GALNTL6: variants seen among roughly 807,000 people sequenced by gnomAD.
GALNTL6 encodes polypeptide N-acetylgalactosaminyltransferase like 6.
In GALNTL6, 46 loss-of-function variants were observed where a neutral mutation model predicts 73.7. The observed-to-expected ratio is 0.62, with a 90% confidence interval of 0.49 to 0.80. GALNTL6 has a LOEUF of 0.80. Among genes scored for constraint, GALNTL6 ranks in the 30% least tolerant of loss-of-function variants. The pLI, the probability that GALNTL6 is intolerant of heterozygous loss-of-function variation, is 0.00. For missense variants in GALNTL6, 604 were observed against 755.0 expected, an observed-to-expected ratio of 0.80 and a Z score of 2.34; for synonymous variants, 259 against 263.7, an observed-to-expected ratio of 0.98 and a Z score of 0.17.
intron 5 of GALNTL6, among the ~76,000 whole-genome samples, chr4:172,377,496 C>A (rs1268351881): frequency 6.6e-6 from 1 of 152,214 alleles, no homozygotes; most frequent in African/African-American, 2.4e-5. Context: ...CGTGCTGGGG[C>A]CATGGGCGGA....
intron 5 of GALNTL6, among the ~76,000 whole-genome samples, chr4:172,588,895 A>C (rs1441172677): frequency 6.6e-6 from 1 of 152,224 alleles, no homozygotes; most frequent in Non-Finnish European, 1.5e-5. Context: ...GCAATGGTGC[A>C]GAAGGTTTAT....
chr4:172,692,884 TG>T (rs2111263167), intron 5 of GALNTL6, among the ~76,000 whole-genome samples: 1 of 152,304 alleles, frequency 6.6e-6, no homozygotes, highest in African/African-American at 2.4e-5. Flanking sequence ...CCATGCTCAT[TG>T]GTAGCCTGTG....
chr4:172,336,491 G>C lies in GALNTL6; in HGVS notation c.387-12032G>C, dbSNP rs191255986. ...CGGGTTTCACCATGTTGGTCAGGCT[G>C]GTCTCAAACTCCTGACCTCAGGATC... On this transcript the variant is annotated intron_variant, in intron 4 of 12. Coordinates refer to ENST00000506823, the MANE Select transcript of GALNTL6 (RefSeq NM_001034845.3). Among the ~76,000 whole-genome samples the C allele has an allele frequency of 8.0e-4, 121 of 150,368 alleles. 2 individuals carry two copies. The South Asian group carries it at 0.016, about 19-fold the overall frequency.
At chr4:171,840,926 C>T (rs1260929203) in intron 2 of GALNTL6, among the ~76,000 whole-genome samples, 3 of 152,096 alleles carry the variant, frequency 2.0e-5, no homozygotes, top group African/African-American at 7.2e-5. Flanking sequence ...TGAGAAGTAG[C>T]TATTGTTATC....
intron 5 of GALNTL6, among the ~76,000 whole-genome samples, chr4:172,406,946 T>C (rs1435676076): frequency 1.3e-5 from 2 of 151,996 alleles, no homozygotes; most frequent in African/African-American, 4.8e-5. Flanking sequence ...TTGTTCTCTA[T>C]CTTCTCCCAA....
chr4:172,789,166 G>C (rs899250470), intron 5 of GALNTL6, among the ~76,000 whole-genome samples: 1 of 152,138 alleles, frequency 6.6e-6, no homozygotes. Context: ...ACTGTGCCCC[G>C]TCTTCCAGAC....
intron 2 of GALNTL6, among the ~76,000 whole-genome samples, chr4:171,971,890 T>C (rs1739581137): frequency 6.6e-6 from 1 of 152,154 alleles, no homozygotes; most frequent in South Asian, 2.1e-4. Flanking sequence ...TTTGTGTGTG[T>C]ATGTGTGTGT....
chr4:171,901,514 C>T (rs1737095260), intron 2 of GALNTL6, among the ~76,000 whole-genome samples: 1 of 152,096 alleles, frequency 6.6e-6, no homozygotes. Flanking sequence ...CTCCCCCACT[C>T]CCCTTCCTCA....
At chr4:172,348,479 G>C in intron 4 of GALNTL6, 44 bp from the exon 5 acceptor site, 2 of 1,469,566 alleles carry the variant, frequency 1.4e-6, no homozygotes, top group Non-Finnish European at 1.9e-6. Context: ...AGATATACAA[G>C]AGTTTTGTAT....
At chr4:172,739,684 G>A (rs1736690238) in intron 5 of GALNTL6, among the ~76,000 whole-genome samples, 1 of 152,004 alleles carries the variant, frequency 6.6e-6, no homozygotes, top group Non-Finnish European at 1.5e-5. Flanking sequence ...ATCCATTTTA[G>A]ATCTGCCATC....
At chr4:171,874,230 A>G (rs1429522609) in intron 2 of GALNTL6, among the ~76,000 whole-genome samples, 1 of 152,180 alleles carries the variant, frequency 6.6e-6, no homozygotes, top group Non-Finnish European at 1.5e-5. Flanking sequence ...TTTGACACAA[A>G]GTCATTCTGT....
intron 2 of GALNTL6, among the ~76,000 whole-genome samples, chr4:171,903,151 T>A (rs7692888): frequency 2.0e-5 from 3 of 152,056 alleles, no homozygotes; most frequent in East Asian, 2.0e-4. Flanking sequence ...CAAGATGGCC[T>A]AATAGGAACA....
chr4:172,942,867 A>C (rs1390434495), intron 9 of GALNTL6, among the ~76,000 whole-genome samples: 1 of 152,066 alleles, frequency 6.6e-6, no homozygotes, highest in Non-Finnish European at 1.5e-5. Context: ...ACTGTCTCCT[A>C]CCTGTGGGCC....
intron 2 of GALNTL6, among the ~76,000 whole-genome samples, chr4:172,025,841 G>A (rs1229648888): frequency 6.6e-6 from 1 of 151,526 alleles, no homozygotes; most frequent in African/African-American, 2.4e-5. Context: ...GTTTATGAAG[G>A]TTTCAGAAAG....
intron 2 of GALNTL6, among the ~76,000 whole-genome samples, chr4:171,897,442 C>G (rs746721937): frequency 6.6e-6 from 1 of 152,140 alleles, no homozygotes; most frequent in Admixed American, 6.5e-5. Context: ...AGCATAGATA[C>G]AAACACACAC....
intron 4 of GALNTL6, among the ~76,000 whole-genome samples, chr4:172,339,428 C>T (rs1321772851): frequency 1.3e-5 from 2 of 152,110 alleles, no homozygotes; most frequent in East Asian, 3.9e-4. Flanking sequence ...CCAGTGCCTA[C>T]TCCTGGGGCA....
At chr4:172,768,918 G>A (rs1357893282) in intron 5 of GALNTL6, among the ~76,000 whole-genome samples, 1 of 151,956 alleles carries the variant, frequency 6.6e-6, no homozygotes, top group African/African-American at 2.4e-5. Context: ...TATTGTTCCT[G>A]TCTCAGTGGA....
intron 7 of GALNTL6, among the ~76,000 whole-genome samples, chr4:172,849,436 A>T (rs1743693064): frequency 6.6e-6 from 1 of 152,220 alleles, no homozygotes; most frequent in South Asian, 2.1e-4. Flanking sequence ...AGACTGACTT[A>T]TTCACCATTG....
intron 5 of GALNTL6, among the ~76,000 whole-genome samples, chr4:172,804,022 TTA>T: frequency 6.6e-6 from 1 of 152,344 alleles, no homozygotes; most frequent in African/African-American, 2.4e-5. Flanking sequence ...CTTAAAATAT[TTA>T]TGTTTCTCCA....
Sources: allele counts gnomAD v4.1 joint callset (sites outside exome capture counted in the v4.1 genomes callset), GRCh38; gene constraint gnomAD v4.1.1; transcripts MANE v1.5; gene names NCBI Gene and HGNC (gene_info 2026-07-23, HGNC 2026-07-21).